Variants in ARHGAP42 observed in about 807,000 individuals in gnomAD.
ARHGAP42 encodes the protein Rho GTPase activating protein 42, also known as rho GTPase-activating protein 42.
ARHGAP42 carries 63 observed loss-of-function variants against 125.0 expected under a neutral mutation model. The observed-to-expected ratio is 0.50, with a 90% CI of 0.41 to 0.62. The LOEUF (loss-of-function observed/expected upper bound fraction) is 0.62, where lower values mean the gene tolerates loss of function less well. ARHGAP42 is among the 20% of genes least tolerant of loss of function. The probability of loss-of-function intolerance (pLI) is 0.00; values close to 1 mark genes in which losing one functional copy is unlikely to be tolerated. For missense variants in ARHGAP42, 766 were observed against 1,024.2 expected (o/e 0.75, Z 3.44); for synonymous variants, 339 against 351.0 (o/e 0.97, Z 0.38).
chr11:100,962,813 T>A (rs906084476), intron 16 of ARHGAP42, among the ~76,000 whole-genome samples: 16 of 152,004 alleles, frequency 1.1e-4, no homozygotes, highest in African/African-American at 3.9e-4. Flanking sequence ...GAGGCGGAGG[T>A]TATGGTGAGT....
intron 1 of ARHGAP42, among the ~76,000 whole-genome samples, chr11:100,729,210 A>T (rs1435314620): frequency 6.6e-6 from 1 of 152,198 alleles, no homozygotes; most frequent in Non-Finnish European, 1.5e-5. Context: ...TTTAATTAGT[A>T]TGATGGCCAA....
intron 3 of ARHGAP42, among the ~76,000 whole-genome samples, chr11:100,834,722 T>C (rs1832908924): frequency 6.6e-6 from 1 of 151,752 alleles, no homozygotes; most frequent in African/African-American, 2.4e-5. Context: ...AAAAAAAGAA[T>C]AGAGGCTATA....
intron 3 of ARHGAP42, among the ~76,000 whole-genome samples, chr11:100,852,790 C>A (rs1865236114): frequency 6.6e-6 from 1 of 152,134 alleles, no homozygotes; most frequent in South Asian, 2.1e-4. Context: ...ATAGTACTAA[C>A]AAACATAGGA....
intron 2 of ARHGAP42, among the ~76,000 whole-genome samples, chr11:100,774,587 C>T (rs1365388475): frequency 2.0e-5 from 3 of 152,090 alleles, no homozygotes; most frequent in Non-Finnish European, 2.9e-5. Context: ...AGTAAGACAT[C>T]GGCAGGCTTT....
intron 2 of ARHGAP42, among the ~76,000 whole-genome samples, chr11:100,787,890 T>G (rs1863473445): frequency 6.6e-6 from 1 of 152,206 alleles, no homozygotes; most frequent in African/African-American, 2.4e-5. Flanking sequence ...GTGAAGAGTC[T>G]GGATTGGTGT....
intron 8 of ARHGAP42, 132 bp from the exon 9 acceptor site, chr11:100,941,652 A>G (rs1867888758): frequency 1.8e-6 from 1 of 544,220 alleles, no homozygotes; most frequent in Admixed American, 4.3e-5. Flanking sequence ...TTTCTCATGC[A>G]CAGTAAATGT....
chr11:100,959,756 A>T (rs149161067), intron 12 of ARHGAP42, 127 bp from the exon 13 acceptor site: 356 of 841,618 alleles, frequency 4.2e-4, no homozygotes, highest in Non-Finnish European at 6.5e-4. Context: ...CCTCTAACCA[A>T]AATATTTGGA....
intron 1 of ARHGAP42, among the ~76,000 whole-genome samples, chr11:100,756,623 C>A (rs1305385780): frequency 2.0e-5 from 3 of 152,150 alleles, no homozygotes; most frequent in African/African-American, 7.2e-5. Context: ...TAAAGCCTGG[C>A]ATAAATTGTG....
At chr11:100,955,263 T>C (rs1193601943) in intron 12 of ARHGAP42, among the ~76,000 whole-genome samples, 1 of 152,152 alleles carries the variant, frequency 6.6e-6, no homozygotes, top group Non-Finnish European at 1.5e-5. Context: ...GCTTAACTTT[T>C]GATTGAATAT....
chr11:100,728,800 ACT>A (rs1254916333), intron 1 of ARHGAP42, among the ~76,000 whole-genome samples: 1 of 129,300 alleles, frequency 7.7e-6, no homozygotes, highest in Non-Finnish European at 1.6e-5. Context: ...ATGGAGTCTC[ACT>A]CTGTCTCCCA....
At chr11:100,888,236 TA>T (rs11455622) in intron 4 of ARHGAP42, among the ~76,000 whole-genome samples, 20 of 147,914 alleles carry the variant, frequency 1.4e-4, no homozygotes, top group Non-Finnish European at 1.9e-4. Flanking sequence ...CCTTTCCTTT[TA>T]AAAAAAAAAA....
rs150575620 is a variant in ARHGAP42, at chr11:100,978,671, G to A, written c.2394-316G>A. On this transcript the variant is annotated intron_variant, in intron 21 of 23. Transcript: ENST00000298815. Reference sequence around the variant, plus strand: ...CGTGGCTCCACAGGAGTCAATAGCCGTGCTGCTGGGAGCAGAGTAGAGAGA... The same window carrying A: ...CGTGGCTCCACAGGAGTCAATAGCCATGCTGCTGGGAGCAGAGTAGAGAGA... Among the ~76,000 whole-genome samples, 502 of 152,254 alleles carry A rather than the reference G, an allele frequency of 3.3e-3. 3 individuals are homozygous for A. Among genetic ancestry groups the A allele is most frequent in the African/African-American group, 0.011 (463 of 41,554 alleles).
rs1338082348 is a variant in ARHGAP42 at position 100,992,612 on chromosome 11, T to TC, written c.*3814dup. 1.2e-6 allele frequency: 2 copies of TC among 1,613,936 alleles called. No individual in the cohort carries two copies. Among genetic ancestry groups the TC allele is most frequent in the Non-Finnish European group, 1.7e-6 (2 of 1,179,954 alleles). The stretch of plus-strand genomic sequence containing the variant: ...CAATTTCCTGAACACATTCACTGTA[T>TC]CCCTCATTGTCACCGTTATCCCCCT... On this transcript the variant is annotated 3_prime_UTR_variant, in exon 24 of 24. Transcript: ENST00000298815.
intron 5 of ARHGAP42, among the ~76,000 whole-genome samples, chr11:100,916,610 C>A (rs1276241107): frequency 1.3e-5 from 2 of 152,100 alleles, no homozygotes; most frequent in Non-Finnish European, 2.9e-5. Flanking sequence ...AAATTGGGCA[C>A]ACTTTTGTTC....
At chr11:100,777,499 A>T (rs1863159911) in intron 2 of ARHGAP42, among the ~76,000 whole-genome samples, 2 of 152,178 alleles carry the variant, frequency 1.3e-5, no homozygotes, top group African/African-American at 4.8e-5. Context: ...TACTTTGAAG[A>T]TGCGTCTGTT....
At chr11:100,938,075 C>G (rs979874137) in intron 8 of ARHGAP42, among the ~76,000 whole-genome samples, 1 of 148,868 alleles carries the variant, frequency 6.7e-6, no homozygotes, top group Admixed American at 6.7e-5. Context: ...TTTAATCTCT[C>G]TTAATGGCAC....
chr11:100,751,557 G>A (rs554393800), intron 1 of ARHGAP42, among the ~76,000 whole-genome samples: 1 of 151,694 alleles, frequency 6.6e-6, no homozygotes, highest in East Asian at 1.9e-4. Flanking sequence ...ACCTGTTGTA[G>A]ATAAAGTAGA....
Position 100,812,329 on chromosome 11 carries a change from G to A in ARHGAP42, c.312+17163G>A, listed in dbSNP as rs374501257. Among the ~76,000 whole-genome samples the A allele has an allele frequency of 7.6e-4, 116 of 152,308 alleles. 1 individual carries two copies. In the Middle Eastern group the frequency reaches 0.027, roughly 36 times the overall value. On this transcript the variant is annotated intron_variant, in intron 3 of 23. Coordinates refer to ENST00000298815, the MANE Select transcript of ARHGAP42 (RefSeq NM_152432.4). The stretch of plus-strand genomic sequence containing the variant: ...TACCCAGAAGTAGTTGGAAAGGATA[G>A]CAATAATTTATTTTCAACAAATATT...
At chr11:100,746,520 T>G (rs1862310130) in intron 1 of ARHGAP42, among the ~76,000 whole-genome samples, 1 of 152,242 alleles carries the variant, frequency 6.6e-6, no homozygotes, top group Non-Finnish European at 1.5e-5. Flanking sequence ...GGACGGAATA[T>G]TAATCCATTT....
Sources: allele counts gnomAD v4.1 joint callset (sites outside exome capture counted in the v4.1 genomes callset), GRCh38; gene constraint gnomAD v4.1.1; transcripts MANE v1.5; gene names NCBI Gene and HGNC (gene_info 2026-07-23, HGNC 2026-07-21).